Variants in WDR72 observed in about 807,000 individuals in gnomAD.
The protein encoded by WDR72 is WD repeat-containing protein 72.
Under a neutral mutation model 124.2 loss-of-function variants are expected in WDR72, and 120 were observed. The observed-to-expected ratio is 0.97, with a 90% CI of 0.83 to 1.12. WDR72 has a LOEUF of 1.12. WDR72 is among the 50% of genes most tolerant of loss of function. The pLI is 0.00. For synonymous variants in WDR72, 452 were observed against 441.7 expected, an observed-to-expected ratio of 1.02 and a Z score of -0.29; for missense variants, 1,387 against 1,278.8, an observed-to-expected ratio of 1.08 and a Z score of -1.29.
intron 18 of WDR72, among the ~76,000 whole-genome samples, chr15:53,591,992 T>G (rs1371893539): frequency 6.6e-6 from 1 of 151,972 alleles, no homozygotes; most frequent in African/African-American, 2.4e-5. Context: ...TCAGCACACC[T>G]GGAATACCAC....
intron 18 of WDR72, among the ~76,000 whole-genome samples, chr15:53,563,465 T>C (rs899299899): frequency 6.6e-6 from 1 of 151,820 alleles, no homozygotes; most frequent in African/African-American, 2.4e-5. Context: ...ATTTATTTTT[T>C]AACTTTTAAT....
Position 53,707,646 on chromosome 15 carries a change from C to T in WDR72, c.955-1572G>A, listed in dbSNP as rs536290285. Among the ~76,000 whole-genome samples, 26 of 152,152 alleles carry T rather than the reference C, an allele frequency of 1.7e-4. No individual in the cohort carries two copies. The South Asian group carries it at 5.2e-3, about 30-fold the overall frequency. ...TATTTTTAGTAGAGATGGGGTTTCA[C>T]CGTGTTAGCCAGGATGGTCTCAATC... On this transcript the variant is annotated intron_variant, in intron 9 of 19. Transcript: ENST00000360509.
chr15:53,733,177 G>T lies in WDR72; in HGVS notation c.-12-16C>A, dbSNP rs993768606. 6.2e-7 allele frequency: 1 copy of T among 1,613,102 alleles called. No homozygotes were observed. Among genetic ancestry groups the T allele is most frequent in the African/African-American group, 1.3e-5 (1 of 74,994 alleles). ...TGGGCGAATCCTGACATACAAAGAA[G>T]GGAAGAAGCATACATGGTCATCTTT... On this transcript the variant is annotated splice_polypyrimidine_tract_variant and intron_variant, in intron 1 of 19. Transcript: ENST00000360509.
At chr15:53,678,192 A>G (rs547963803) in intron 13 of WDR72, among the ~76,000 whole-genome samples, 2 of 152,290 alleles carry the variant, frequency 1.3e-5, no homozygotes, top group South Asian at 4.1e-4. Flanking sequence ...AAAGATTAGG[A>G]ACATCCCAAT....
At chr15:53,623,524 CAT>C (rs930762337) in intron 14 of WDR72, among the ~76,000 whole-genome samples, 7 of 151,060 alleles carry the variant, frequency 4.6e-5, no homozygotes, top group South Asian at 2.1e-4. Flanking sequence ...TACACACACA[CAT>C]ATATATCACA....
chr15:53,711,685 T>C (rs2017544443), intron 7 of WDR72, among the ~76,000 whole-genome samples: 3 of 152,224 alleles, frequency 2.0e-5, no homozygotes. Context: ...ACAGTTCATC[T>C]GGTTATATCA....
chr15:53,515,004 A>C lies in WDR72; in HGVS notation c.*2695T>G, dbSNP rs1286368845. 1 of 40,928 alleles carries C rather than the reference A, an allele frequency of 2.4e-5. No homozygotes were observed. Among genetic ancestry groups the C allele is most frequent in the African/African-American group, 6.7e-5 (1 of 14,906 alleles). 2.5% of individuals were successfully genotyped at this position (40,928 alleles called of 1,614,324 possible). ...AAAATATGATATTCCTTTGGGGGAT[A>C]TGCCATATATATATATATATACACA... On this transcript the variant is annotated 3_prime_UTR_variant, in exon 20 of 20. Coordinates refer to ENST00000360509, the MANE Select transcript of WDR72 (RefSeq NM_182758.4).
chr15:53,758,548 A>G (rs778213690), intron 1 of WDR72, among the ~76,000 whole-genome samples: 2 of 152,188 alleles, frequency 1.3e-5, no homozygotes, highest in South Asian at 2.1e-4. Context: ...ACAAAAAAAA[A>G]GCTGCACAAG....
rs370430865 is a variant in WDR72 at position 53,596,819 on chromosome 15, C to T, written c.3148+260G>A. On this transcript the variant is annotated intron_variant, in intron 18 of 19. Coordinates refer to ENST00000360509, the MANE Select transcript of WDR72 (RefSeq NM_182758.4). The stretch of plus-strand genomic sequence containing the variant: ...GAAGAGATGATATACTGTGAACTTA[C>T]ATTTTCAATACTCTCTAAGTAGCGA... Among the ~76,000 whole-genome samples the T allele has an allele frequency of 4.6e-5, 7 of 152,252 alleles. No homozygotes were observed. In the East Asian group the frequency reaches 1.2e-3, roughly 25 times the overall value.
chr15:53,665,505 T>C (rs532765592), intron 14 of WDR72, 67 bp downstream of exon 14: 4 of 1,560,668 alleles, frequency 2.6e-6, no homozygotes, highest in Non-Finnish European at 3.5e-6. Context: ...CATGTATTTA[T>C]GAATGCATAT....
At chr15:53,553,037 A>C (rs1034051871) in intron 18 of WDR72, among the ~76,000 whole-genome samples, 5 of 152,142 alleles carry the variant, frequency 3.3e-5, no homozygotes, top group African/African-American at 1.2e-4. Flanking sequence ...AAATCTTATG[A>C]AAAAAAGATA....
chr15:53,757,008 A>G (rs2018926648), intron 1 of WDR72, among the ~76,000 whole-genome samples: 2 of 152,122 alleles, frequency 1.3e-5, no homozygotes, highest in South Asian at 2.1e-4. Context: ...CATTTTTTAG[A>G]AAAGTTCAAA....
intron 1 of WDR72, among the ~76,000 whole-genome samples, chr15:53,756,226 C>T (rs1193879424): frequency 5.3e-5 from 8 of 152,214 alleles, no homozygotes; most frequent in East Asian, 1.9e-4. Flanking sequence ...TAAGGTCTCG[C>T]GAGATCTGAT....
intron 18 of WDR72, among the ~76,000 whole-genome samples, chr15:53,556,427 C>A (rs1184591542): frequency 6.6e-6 from 1 of 152,060 alleles, no homozygotes; most frequent in African/African-American, 2.4e-5. Context: ...GTGTTTCTAG[C>A]AGACTGCCTA....
chr15:53,601,827 C>G (rs2013057940), intron 17 of WDR72, among the ~76,000 whole-genome samples: 1 of 152,102 alleles, frequency 6.6e-6, no homozygotes, highest in South Asian at 2.1e-4. Flanking sequence ...AACACAGGAG[C>G]ACACAGGTTC....
chr15:53,580,576 C>G (rs2011862401), intron 18 of WDR72, among the ~76,000 whole-genome samples: 1 of 152,010 alleles, frequency 6.6e-6, no homozygotes, highest in African/African-American at 2.4e-5. Flanking sequence ...TTGGTAGGCA[C>G]TGGGCACCAA....
chr15:53,541,390 C>T (rs879082247), intron 18 of WDR72, among the ~76,000 whole-genome samples: 2 of 151,900 alleles, frequency 1.3e-5, no homozygotes, highest in Non-Finnish European at 2.9e-5. Flanking sequence ...CACACTGATA[C>T]CTCACAAGGC....
intron 14 of WDR72, among the ~76,000 whole-genome samples, chr15:53,638,385 G>T (rs1440919048): frequency 1.3e-5 from 2 of 152,122 alleles, no homozygotes; most frequent in African/African-American, 4.8e-5. Context: ...TCATAAAACA[G>T]AGGGCTACCC....
At chr15:53,683,816 T>C (rs1304801120) in intron 13 of WDR72, among the ~76,000 whole-genome samples, 2 of 152,036 alleles carry the variant, frequency 1.3e-5, no homozygotes, top group Non-Finnish European at 2.9e-5. Flanking sequence ...GGATGGCAAA[T>C]ACAGACAGCC....
Sources: gnomAD v4.1 joint callset for allele counts (sites outside exome capture counted in the v4.1 genomes callset) on GRCh38, gnomAD v4.1.1 for gene constraint, MANE v1.5 for transcripts, NCBI Gene and HGNC (gene_info 2026-07-23, HGNC 2026-07-21) for gene names.